Variants in DNAJB6 observed in about 807,000 individuals in gnomAD.
DNAJB6 encodes dnaJ homolog subfamily B member 6.
A neutral mutation model predicts 42.7 loss-of-function variants in DNAJB6; 16 were observed. The ratio of observed to expected loss-of-function variants is 0.37; its 90% CI spans 0.25 to 0.57. The LOEUF (loss-of-function observed/expected upper bound fraction) is 0.57, where lower values mean the gene tolerates loss of function less well. Among genes scored for constraint, DNAJB6 ranks in the 20% least tolerant of loss-of-function variants. The pLI is 0.74. For missense variants in DNAJB6, 347 were observed against 416.8 expected, an observed-to-expected ratio of 0.83 and a Z score of 1.46; for synonymous variants, 170 against 163.5, an observed-to-expected ratio of 1.04 and a Z score of -0.30.
At chr7:157,346,657 T>TA (rs1293310587) in intron 1 of DNAJB6, among the ~76,000 whole-genome samples, 1 of 152,196 alleles carries the variant, frequency 6.6e-6, no homozygotes, top group Admixed American at 6.6e-5. Flanking sequence ...CTGAGGTTAA[T>TA]AAAAAAATTT....
chr7:157,337,757 G>A (rs1378292416), intron 1 of DNAJB6: 2 of 152,396 alleles, frequency 1.3e-5, no homozygotes, highest in East Asian at 3.9e-4. Context: ...CTGCACCGTA[G>A]TTGATGCAAC....
chr7:157,376,390 C>T (rs374974312), intron 5 of DNAJB6, among the ~76,000 whole-genome samples: 1 of 152,046 alleles, frequency 6.6e-6, no homozygotes, highest in East Asian at 1.9e-4. Context: ...CATGATATTG[C>T]AAAATTTTAA....
intron 2 of DNAJB6, among the ~76,000 whole-genome samples, chr7:157,362,748 C>T (rs755742052): frequency 2.0e-5 from 3 of 152,176 alleles, no homozygotes; most frequent in Admixed American, 6.5e-5. Context: ...ATTTTTCTAT[C>T]TCTAGAGGTT....
rs1207812470 is a variant in DNAJB6, at chr7:157,343,183, CAG to C, written c.-27+6042_-27+6043del. On this transcript the variant is annotated intron_variant, in intron 1 of 9. Coordinates refer to ENST00000262177, the MANE Select transcript of DNAJB6 (RefSeq NM_058246.4). ...GGTAATTTTTTTTTTTTTTTTAAGA[CAG>C]AGTCTTGCTCTGTTGCTCAGGCAGG... 5.4e-5 allele frequency among the ~76,000 whole-genome samples: 8 copies of C among 148,890 alleles called. No homozygotes were observed. The East Asian group carries it at 1.6e-3, about 29-fold the overall frequency.
At chr7:157,372,342 C>T (rs1418828426) in intron 5 of DNAJB6, 2 of 152,962 alleles carry the variant, frequency 1.3e-5, no homozygotes, top group African/African-American at 4.8e-5. Context: ...CTGGGCGAGC[C>T]CTTCAGCGAG....
intron 6 of DNAJB6, 171 bp downstream of exon 6, chr7:157,382,548 TCTC>T (rs1800839396): frequency 2.2e-6 from 1 of 454,280 alleles, no homozygotes; most frequent in Admixed American, 4.4e-5. Context: ...ACCTACATTT[TCTC>T]CTAATCTTCC....
intron 3 of DNAJB6, among the ~76,000 whole-genome samples, chr7:157,365,059 C>G (rs1799778245): frequency 6.6e-6 from 1 of 152,214 alleles, no homozygotes; most frequent in Non-Finnish European, 1.5e-5. Flanking sequence ...TCAAGCGATT[C>G]TCCCATCTCG....
intron 5 of DNAJB6, chr7:157,380,191 T>C (rs1800684035): frequency 6.6e-6 from 1 of 152,206 alleles, no homozygotes; most frequent in African/African-American, 2.4e-5. Flanking sequence ...GTATTTGTAA[T>C]GTTTGTTTCT....
Position 157,349,455 on chromosome 7 carries a change from A to G in DNAJB6, c.-26-9092A>G, listed in dbSNP as rs1798858053. 2.0e-5 allele frequency among the ~76,000 whole-genome samples: 3 copies of G among 151,740 alleles called. No individual in the cohort carries two copies. In the Admixed American group the frequency reaches 2.0e-4, roughly 10 times the overall value. On this transcript the variant is annotated intron_variant, in intron 1 of 9. Coordinates refer to ENST00000262177, the MANE Select transcript of DNAJB6 (RefSeq NM_058246.4). ...GAAGGCAGGACCGTGACCCCAGGTT[A>G]GAAAAGACCAGGGGACTTAGCAGAG... is the stretch of plus-strand genomic sequence containing the variant.
At chr7:157,352,963 G>A (rs1799072015) in intron 1 of DNAJB6, among the ~76,000 whole-genome samples, 1 of 152,100 alleles carries the variant, frequency 6.6e-6, no homozygotes. Context: ...CTTAGTGCTT[G>A]CTGGCTTTTT....
chr7:157,361,121 A>C (rs1239015693), intron 2 of DNAJB6, among the ~76,000 whole-genome samples: 4 of 146,948 alleles, frequency 2.7e-5, no homozygotes, highest in East Asian at 2.0e-4. Context: ...TTGACTGAGG[A>C]TTTCTGGCAC....
chr7:157,368,162 C>G (rs1283680573), intron 5 of DNAJB6, among the ~76,000 whole-genome samples: 1 of 152,170 alleles, frequency 6.6e-6, no homozygotes, highest in African/African-American at 2.4e-5. Flanking sequence ...TCTTCTTCCT[C>G]TTTGAAAATT....
chr7:157,374,871 G>A (rs1323991059), intron 5 of DNAJB6, among the ~76,000 whole-genome samples: 2 of 152,152 alleles, frequency 1.3e-5, no homozygotes, highest in South Asian at 2.1e-4. Context: ...ACAGGTCTTT[G>A]TATAGTGTTT....
intron 1 of DNAJB6, among the ~76,000 whole-genome samples, chr7:157,344,951 T>A (rs1014670404): frequency 6.6e-6 from 1 of 152,110 alleles, no homozygotes; most frequent in African/African-American, 2.4e-5. Context: ...GCACTGTCAC[T>A]TTTATTTTAT....
intron 5 of DNAJB6, 145 bp downstream of exon 5, chr7:157,367,628 AG>A (rs1362787119): frequency 3.4e-6 from 2 of 589,644 alleles, no homozygotes; most frequent in Non-Finnish European, 6.2e-6. Flanking sequence ...TGGGAGCCTG[AG>A]GCGGGCAGAT....
At chr7:157,347,794 GTTTA>G (rs1286441684) in intron 1 of DNAJB6, among the ~76,000 whole-genome samples, 46 of 152,216 alleles carry the variant, frequency 3.0e-4, no homozygotes, top group African/African-American at 8.9e-4. Context: ...TAAGAAGTTT[GTTTA>G]TTTATTTGTT....
chr7:157,339,598 CT>C (rs1228805395), intron 1 of DNAJB6, among the ~76,000 whole-genome samples: 1 of 134,188 alleles, frequency 7.5e-6, no homozygotes, highest in African/African-American at 2.9e-5. Flanking sequence ...CGCGCCCGGC[CT>C]TTTGTGTGTG....
At position 157,346,191 on chromosome 7, in the gene DNAJB6, G is replaced by C. The variant is rs115890399; in HGVS notation, c.-27+9047G>C. ...GCCAACCTTAGGGAGATGAAGGCCA[G>C]TTAAAATGTTTTATTGCCACAAATG... On this transcript the variant is annotated intron_variant, in intron 1 of 9. Coordinates refer to ENST00000262177, the MANE Select transcript of DNAJB6 (RefSeq NM_058246.4). Among the ~76,000 whole-genome samples, 646 of 152,150 alleles carry C rather than the reference G, an allele frequency of 4.2e-3. 5 individuals are homozygous for C. Among genetic ancestry groups the C allele is most frequent in the African/African-American group, 0.015 (616 of 41,518 alleles).
At chr7:157,390,039 G>T (rs1237199275) in intron 8 of DNAJB6, among the ~76,000 whole-genome samples, 1 of 152,226 alleles carries the variant, frequency 6.6e-6, no homozygotes, top group Non-Finnish European at 1.5e-5. Flanking sequence ...TCCTGTGAAG[G>T]CAGTAATTCT....
Sources: gnomAD v4.1 joint callset for allele counts (sites outside exome capture counted in the v4.1 genomes callset) on GRCh38, gnomAD v4.1.1 for gene constraint, MANE v1.5 for transcripts, NCBI Gene and HGNC (gene_info 2026-07-23, HGNC 2026-07-21) for gene names.